Variants in MARCHF1 observed in about 807,000 individuals in gnomAD.
The protein encoded by MARCHF1 is E3 ubiquitin-protein ligase MARCHF1.
Under a neutral mutation model 54.2 loss-of-function variants are expected in MARCHF1, and 40 were observed. The observed-to-expected ratio is 0.74, with a 90% CI of 0.57 to 0.96. The LOEUF is 0.96. MARCHF1 is among the 40% of genes least tolerant of loss of function. The probability of loss-of-function intolerance (pLI) is 0.00; values close to 1 mark genes in which losing one functional copy is unlikely to be tolerated. For missense variants in MARCHF1, 586 were observed against 656.5 expected, an observed-to-expected ratio of 0.89 and a Z score of 1.17; for synonymous variants, 236 against 236.3, an observed-to-expected ratio of 1.00 and a Z score of 0.01.
At chr4:163,809,509 C>T (rs1748323929) in intron 4 of MARCHF1, among the ~76,000 whole-genome samples, 1 of 152,112 alleles carries the variant, frequency 6.6e-6, no homozygotes, top group Non-Finnish European at 1.5e-5. Flanking sequence ...TGTTAAATTG[C>T]TATTTGCTTC....
chr4:164,295,908 A>C (rs1475234086), intron 1 of MARCHF1, among the ~76,000 whole-genome samples: 1 of 152,190 alleles, frequency 6.6e-6, no homozygotes, highest in Non-Finnish European at 1.5e-5. Context: ...AATTTAGTAC[A>C]TAGAGTATGA....
chr4:164,203,785 C>T (rs577100595), intron 1 of MARCHF1, among the ~76,000 whole-genome samples: 16 of 152,198 alleles, frequency 1.1e-4, no homozygotes, highest in Non-Finnish European at 1.8e-4. Context: ...AAAACACCCT[C>T]GCTTGAGAGT....
At chr4:163,625,608 G>C (rs1741842762) in intron 5 of MARCHF1, among the ~76,000 whole-genome samples, 1 of 152,144 alleles carries the variant, frequency 6.6e-6, no homozygotes, top group Non-Finnish European at 1.5e-5. Flanking sequence ...AAAAAAGAAA[G>C]GGCTCCATTC....
chr4:163,726,850 C>T (rs746138753), intron 4 of MARCHF1, among the ~76,000 whole-genome samples: 10 of 152,196 alleles, frequency 6.6e-5, no homozygotes, highest in Non-Finnish European at 1.5e-4. Context: ...CATGAAATGT[C>T]ACACATCTCT....
At chr4:163,933,137 T>A (rs1330108929) in intron 3 of MARCHF1, 1 of 955,936 alleles carries the variant, frequency 1.0e-6, no homozygotes, top group African/African-American at 1.7e-5. Context: ...ATACACTGAA[T>A]GAAGATTCAT....
intron 5 of MARCHF1, among the ~76,000 whole-genome samples, chr4:163,635,411 T>G (rs573842009): frequency 6.6e-6 from 1 of 150,686 alleles, no homozygotes; most frequent in East Asian, 2.0e-4. Context: ...ATAAAGGGGA[T>G]ATCACCACCG....
At chr4:164,202,993 A>AAG (rs113576749) in intron 1 of MARCHF1, among the ~76,000 whole-genome samples, 2,478 of 149,628 alleles carry the variant, frequency 0.017, 51 homozygotes, top group East Asian at 0.11. Flanking sequence ...GAAAGGGAGA[A>AAG]AGAGAGAGAG....
At chr4:163,770,538 ACACACACACACACACACACACACAC>A (rs1747125322) in intron 4 of MARCHF1, among the ~76,000 whole-genome samples, 1 of 147,452 alleles carries the variant, frequency 6.8e-6, no homozygotes, top group African/African-American at 2.5e-5. Context: ...ACACACACAC[ACACACACACACACACACACACACAC>A]AAACACACAC....
intron 4 of MARCHF1, among the ~76,000 whole-genome samples, chr4:163,807,396 A>T (rs1748257372): frequency 1.3e-5 from 2 of 152,172 alleles, no homozygotes; most frequent in Admixed American, 1.3e-4. Flanking sequence ...GCAACTTAAT[A>T]CTTTTTCCGA....
chr4:164,071,151 C>G (rs1427337129), intron 2 of MARCHF1, among the ~76,000 whole-genome samples: 1 of 152,174 alleles, frequency 6.6e-6, no homozygotes, highest in East Asian at 1.9e-4. Context: ...ATATAAAAAT[C>G]TGTTTGACCT....
intron 1 of MARCHF1, among the ~76,000 whole-genome samples, chr4:164,298,924 GATTA>G (rs1734480378): frequency 1.3e-5 from 2 of 152,054 alleles, no homozygotes; most frequent in African/African-American, 2.4e-5. Flanking sequence ...AGGGTAGTAT[GATTA>G]ATTATTTTTC....
intron 1 of MARCHF1, among the ~76,000 whole-genome samples, chr4:164,244,046 A>G (rs1732862911): frequency 6.6e-6 from 1 of 152,098 alleles, no homozygotes; most frequent in Admixed American, 6.6e-5. Flanking sequence ...TAGACAGATC[A>G]ACGAGACAGA....
At chr4:163,534,793 T>C (rs983666728) in intron 9 of MARCHF1, among the ~76,000 whole-genome samples, 1 of 147,422 alleles carries the variant, frequency 6.8e-6, no homozygotes, top group African/African-American at 2.4e-5. Context: ...AGAAGTATGC[T>C]ACTTGGATTT....
intron 1 of MARCHF1, among the ~76,000 whole-genome samples, chr4:164,374,387 G>A (rs1185002145): frequency 1.3e-5 from 2 of 152,044 alleles, no homozygotes; most frequent in East Asian, 3.9e-4. Context: ...GCTAACGATA[G>A]TCCTATGACA....
chr4:163,554,842 T>A (rs555720864), intron 8 of MARCHF1, among the ~76,000 whole-genome samples: 35 of 152,338 alleles, frequency 2.3e-4, no homozygotes, highest in African/African-American at 8.2e-4. Context: ...TGATTAAGAA[T>A]TTCTCTACAA....
At chr4:163,774,967 A>G (rs1023383140) in intron 4 of MARCHF1, among the ~76,000 whole-genome samples, 2 of 152,140 alleles carry the variant, frequency 1.3e-5, no homozygotes, top group African/African-American at 4.8e-5. Flanking sequence ...GATTCCCCCT[A>G]AAGAAAGGTC....
At chr4:163,620,588 C>A (rs1211941435) in intron 5 of MARCHF1, among the ~76,000 whole-genome samples, 6 of 84,882 alleles carry the variant, frequency 7.1e-5, no homozygotes, top group African/African-American at 4.0e-4. Context: ...CACACACACA[C>A]ACACACACAC....
At chr4:163,529,462 T>C (rs1269348132) in intron 9 of MARCHF1, among the ~76,000 whole-genome samples, 2 of 152,022 alleles carry the variant, frequency 1.3e-5, no homozygotes, top group Non-Finnish European at 1.5e-5. Context: ...TATAGGTACA[T>C]GTATGGGTTT....
At chr4:163,866,142 T>C (rs1750042981) in intron 3 of MARCHF1, among the ~76,000 whole-genome samples, 1 of 151,666 alleles carries the variant, frequency 6.6e-6, no homozygotes, top group African/African-American at 2.4e-5. Flanking sequence ...GTATTTATGT[T>C]TACTTACTTA....
Sources: allele counts gnomAD v4.1 joint callset (sites outside exome capture counted in the v4.1 genomes callset), GRCh38; gene constraint gnomAD v4.1.1; transcripts MANE v1.5; gene names NCBI Gene and HGNC (gene_info 2026-07-23, HGNC 2026-07-21).